TLK2: variants seen among roughly 807,000 people sequenced by gnomAD.
TLK2 encodes the protein serine/threonine-protein kinase tousled-like 2.
In TLK2, 6 loss-of-function variants were observed where a neutral mutation model predicts 117.3. The ratio of observed to expected loss-of-function variants is 0.05; its 90% CI spans 0.03 to 0.10. The LOEUF is 0.10. Among genes scored for constraint, TLK2 ranks in the 10% least tolerant of loss-of-function variants. TLK2 has a pLI of 1.00. For synonymous variants in TLK2, 257 were observed against 316.7 expected (o/e 0.81, Z 2.00); for missense variants, 299 against 901.2 (o/e 0.33, Z 8.56).
chr17:62,522,098 C>T, intron 3 of TLK2, 106 bp from the exon 4 acceptor site: 1 of 1,180,796 alleles, frequency 8.5e-7, no homozygotes, highest in Non-Finnish European at 1.2e-6. Context: ...CTTGTCTGGG[C>T]CAGTTATATC....
chr17:62,563,057 T>C (rs1268668471), intron 10 of TLK2, among the ~76,000 whole-genome samples: 1 of 152,218 alleles, frequency 6.6e-6, no homozygotes, highest in Non-Finnish European at 1.5e-5. Flanking sequence ...TAGGTGTCTG[T>C]TAACAAGTGA....
rs767032124 is a variant in TLK2, at chr17:62,602,157, A to C, written c.1836A>C (p.Thr612=). 5 of 1,613,764 alleles carry C rather than the reference A, an allele frequency of 3.1e-6. No homozygotes were observed. The highest frequency in any genetic ancestry group is 4.2e-6 in the Non-Finnish European group (5 of 1,179,808). ...ATTCAGTGGATGGCATGGAGCTAAC[A>C]TCACAAGGTGCTGGTACTTATTGGT... ...SYNSVDGMEL[T]SQGAGTYWYL... Residue 612 remains threonine, a synonymous_variant, in exon 19 of 22, where the codon ACA becomes ACC. Coordinates refer to ENST00000346027, the MANE Select transcript of TLK2 (RefSeq NM_006852.6).
upstream of TLK2, among the ~76,000 whole-genome samples, chr17:62,477,088 C>T (rs547134270): frequency 8.6e-5 from 13 of 151,348 alleles, no homozygotes; most frequent in East Asian, 2.5e-3. Context: ...GAGACTCTGT[C>T]TCAAAAAAAA....
intron 17 of TLK2, among the ~76,000 whole-genome samples, chr17:62,599,139 G>GT (rs1445533394): frequency 6.6e-6 from 1 of 152,148 alleles, no homozygotes; most frequent in Non-Finnish European, 1.5e-5. Context: ...TAGAGACAGA[G>GT]TTTCACTATG....
At chr17:62,510,679 T>C (rs1335185351) in intron 2 of TLK2, among the ~76,000 whole-genome samples, 2 of 152,224 alleles carry the variant, frequency 1.3e-5, no homozygotes, top group African/African-American at 4.8e-5. Flanking sequence ...TGCATACATG[T>C]CTGTGCGTGC....
At position 62,524,204 on chromosome 17, in the gene TLK2, A is replaced by G. The variant is rs552546958; in HGVS notation, c.268-32A>G. The G allele has an allele frequency of 1.9e-6, 3 of 1,613,110 alleles. No homozygotes were observed. The African/African-American group carries it at 4.0e-5, about 22-fold the overall frequency. On this transcript the variant is annotated intron_variant, in intron 5 of 21. Coordinates refer to ENST00000346027, the MANE Select transcript of TLK2 (RefSeq NM_006852.6). ...TATCTGAAGCATAGTACTGTTTTGA[A>G]TTATTCATATCGGTTTTTCCCTGTT...
chr17:62,507,022 G>T (rs2074750719), intron 2 of TLK2, among the ~76,000 whole-genome samples: 1 of 152,174 alleles, frequency 6.6e-6, no homozygotes, highest in Non-Finnish European at 1.5e-5. Context: ...CTAGGTAGAT[G>T]TTGATACATA....
chr17:62,483,291 C>T (rs1487848451), intron 2 of TLK2, among the ~76,000 whole-genome samples: 19 of 148,352 alleles, frequency 1.3e-4, no homozygotes, highest in Admixed American at 1.0e-3. Flanking sequence ...TTTTTAGGTT[C>T]GTGATGGCTG....
chr17:62,503,618 C>T (rs539477438), intron 2 of TLK2, among the ~76,000 whole-genome samples: 1 of 151,928 alleles, frequency 6.6e-6, no homozygotes, highest in Non-Finnish European at 1.5e-5. Flanking sequence ...GGGGTTTTGC[C>T]ATGTTGGCCA....
intron 16 of TLK2, among the ~76,000 whole-genome samples, chr17:62,594,233 C>T (rs1001270372): frequency 2.0e-5 from 3 of 151,892 alleles, no homozygotes; most frequent in African/African-American, 7.2e-5. Context: ...CATGGCAAAA[C>T]CCCCTCTCTA....
rs1271538955 is a variant in TLK2 at position 62,499,895 on chromosome 17, T to C, written c.81+18689T>C. Among the ~76,000 whole-genome samples the C allele has an allele frequency of 2.0e-5, 3 of 151,898 alleles. No individual in the cohort carries two copies. The East Asian group carries it at 5.8e-4, about 29-fold the overall frequency. ...AGAATTATTTGTTGTGAAAAACTTA[T>C]TTTAACAAGTTCTCCAAAGTTTTAT... On this transcript the variant is annotated intron_variant, in intron 2 of 21. Coordinates refer to ENST00000346027, the MANE Select transcript of TLK2 (RefSeq NM_006852.6).
At chr17:62,487,367 A>G (rs1479217001) in intron 2 of TLK2, among the ~76,000 whole-genome samples, 1 of 151,590 alleles carries the variant, frequency 6.6e-6, no homozygotes, top group Non-Finnish European at 1.5e-5. Context: ...TAACCGCCCT[A>G]GAAAGACTAG....
intron 2 of TLK2, among the ~76,000 whole-genome samples, chr17:62,483,894 C>T (rs770457708): frequency 1.5e-4 from 23 of 151,940 alleles, no homozygotes; most frequent in Non-Finnish European, 2.1e-4. Flanking sequence ...AGCACAATCT[C>T]GGCGCACTGC....
At chr17:62,606,740 A>G (rs1290524135) in intron 20 of TLK2, among the ~76,000 whole-genome samples, 4 of 152,160 alleles carry the variant, frequency 2.6e-5, no homozygotes, top group Non-Finnish European at 4.4e-5. Context: ...AAGGTGACAT[A>G]TTTCAACAAG....
chr17:62,572,411 GAA>G (rs1381158600), intron 11 of TLK2, among the ~76,000 whole-genome samples: 5 of 151,480 alleles, frequency 3.3e-5, no homozygotes, highest in Admixed American at 2.0e-4. Flanking sequence ...ATACATGAGA[GAA>G]AGTGTTTTTT....
chr17:62,491,423 A>G (rs2073098669), intron 2 of TLK2, among the ~76,000 whole-genome samples: 1 of 152,160 alleles, frequency 6.6e-6, no homozygotes, highest in Admixed American at 6.6e-5. Context: ...GTCTAGGGAT[A>G]ATTTGACTTA....
chr17:62,564,898 C>T (rs1194932340), intron 10 of TLK2, 103 bp from the exon 11 acceptor site: 1 of 1,418,040 alleles, frequency 7.1e-7, no homozygotes, highest in Non-Finnish European at 9.4e-7. Context: ...GTATGGTTTT[C>T]AATAATATGT....
chr17:62,571,861 G>T (rs2080323192), intron 11 of TLK2, among the ~76,000 whole-genome samples: 2 of 152,088 alleles, frequency 1.3e-5, no homozygotes, highest in Non-Finnish European at 2.9e-5. Flanking sequence ...TTCCATTTGA[G>T]TGTAGGTTTT....
chr17:62,484,585 A>G (rs1477599536), intron 2 of TLK2, among the ~76,000 whole-genome samples: 2 of 152,058 alleles, frequency 1.3e-5, no homozygotes, highest in African/African-American at 4.8e-5. Flanking sequence ...GGTGTGAGCC[A>G]TCGCGCCCAG....
Sources: gnomAD v4.1 joint callset for allele counts (sites outside exome capture counted in the v4.1 genomes callset) on GRCh38, gnomAD v4.1.1 for gene constraint, MANE v1.5 for transcripts, NCBI Gene and HGNC (gene_info 2026-07-23, HGNC 2026-07-21) for gene names.